The following FIGN variants were observed in gnomAD, a reference collection of about 807,000 sequenced individuals.
The protein encoded by FIGN is fidgetin, microtubule severing factor, also known as fidgetin.
Under a neutral mutation model 51.3 loss-of-function variants are expected in FIGN, and 11 were observed. The observed-to-expected ratio is 0.21, with a 90% CI of 0.13 to 0.35. The LOEUF (loss-of-function observed/expected upper bound fraction) is 0.35. Ranked by LOEUF, FIGN falls within the 10% of genes least tolerant of loss-of-function variation. FIGN has a pLI of 1.00. For missense variants in FIGN, 857 were observed against 943.6 expected (o/e 0.91, Z 1.20); for synonymous variants, 407 against 363.2 (o/e 1.12, Z -1.37).
chr2:163,697,388 A>G (rs1327992567), intron 2 of FIGN, among the ~76,000 whole-genome samples: 1 of 152,078 alleles, frequency 6.6e-6, no homozygotes, highest in Non-Finnish European at 1.5e-5. Context: ...GGCATGAGCC[A>G]CCACACCCAG....
intron 2 of FIGN, among the ~76,000 whole-genome samples, chr2:163,616,936 A>G (rs10445755): frequency 0.93 from 141,166 of 152,092 alleles, 66,169 homozygotes; most frequent in Non-Finnish European, 1. Context: ...AACCTTCTGA[A>G]AGAAGGATTG....
chr2:163,653,003 T>A (rs1035890621), intron 2 of FIGN, among the ~76,000 whole-genome samples: 2 of 152,138 alleles, frequency 1.3e-5, no homozygotes, highest in African/African-American at 4.8e-5. Context: ...GTAAAAATGA[T>A]TAAGAGAGAA....
intron 2 of FIGN, among the ~76,000 whole-genome samples, chr2:163,728,165 G>A (rs1684867279): frequency 6.6e-6 from 1 of 151,754 alleles, no homozygotes; most frequent in Non-Finnish European, 1.5e-5. Flanking sequence ...TTATTTGGGG[G>A]TCTGCCCCCC....
chr2:163,655,821 A>C (rs1266701041), intron 2 of FIGN, among the ~76,000 whole-genome samples: 1 of 151,884 alleles, frequency 6.6e-6, no homozygotes, highest in African/African-American at 2.4e-5. Context: ...AGAGAGAGAG[A>C]GAGAGAGCTC....
chr2:163,731,682 C>T (rs1327622121), intron 2 of FIGN, among the ~76,000 whole-genome samples: 3 of 150,222 alleles, frequency 2.0e-5, no homozygotes. Flanking sequence ...TGATGAAATA[C>T]AGCCAGGAGA....
Position 163,609,782 on chromosome 2 carries a change from G to T in FIGN, c.2050C>A (p.Arg684Ser). 3 of 1,614,124 alleles carry T rather than the reference G, an allele frequency of 1.9e-6. No homozygotes were observed. The highest frequency in any genetic ancestry group is 2.5e-6 in the Non-Finnish European group (3 of 1,180,016). ...NDKEFALLVQ[R>S]TEGFSGLDVA... Reference sequence around the variant, plus strand: ...TCTAGTCCAGAAAAGCCTTCTGTGCGCTGGACGAGCAGTGCAAACTCCTTG... The same window carrying T: ...TCTAGTCCAGAAAAGCCTTCTGTGCTCTGGACGAGCAGTGCAAACTCCTTG... The change falls in exon 3 of 3, where the codon CGC becomes AGC. Residue 684 changes from arginine to serine, a missense_variant. Transcript: ENST00000333129.
intron 2 of FIGN, among the ~76,000 whole-genome samples, chr2:163,734,144 C>T (rs928184483): frequency 3.3e-5 from 5 of 151,476 alleles, no homozygotes; most frequent in Non-Finnish European, 5.9e-5. Flanking sequence ...AAGGAAAGAG[C>T]GATTTCAAAC....
At chr2:163,664,559 T>G (rs1683742420) in intron 2 of FIGN, among the ~76,000 whole-genome samples, 1 of 152,204 alleles carries the variant, frequency 6.6e-6, no homozygotes, top group Non-Finnish European at 1.5e-5. Context: ...CTGATTTTAT[T>G]TATAAGGGCA....
At chr2:163,657,513 T>TGTGTGTGTGTGTGTGTGTGTGC (rs1683580790) in intron 2 of FIGN, among the ~76,000 whole-genome samples, 1 of 151,602 alleles carries the variant, frequency 6.6e-6, no homozygotes, top group Non-Finnish European at 1.5e-5. Flanking sequence ...TGTGTGTGTG[T>TGTGTGTGTGTGTGTGTGTGTGC]GTGTGTGTGT....
chr2:163,644,072 A>T (rs1271870160), intron 2 of FIGN, among the ~76,000 whole-genome samples: 1 of 151,974 alleles, frequency 6.6e-6, no homozygotes, highest in African/African-American at 2.4e-5. Context: ...CAAAAGCATG[A>T]GCACCAAAAG....
intron 2 of FIGN, among the ~76,000 whole-genome samples, chr2:163,642,278 G>A (rs574425607): frequency 3.3e-5 from 5 of 152,282 alleles, no homozygotes; most frequent in South Asian, 4.1e-4. Flanking sequence ...GTGATTCAAC[G>A]AAAGTAATGA....
chr2:163,640,272 A>G (rs1683288053), intron 2 of FIGN, among the ~76,000 whole-genome samples: 2 of 152,234 alleles, frequency 1.3e-5, no homozygotes, highest in Non-Finnish European at 1.5e-5. Context: ...ATTAAACTTA[A>G]GAACATTTTC....
At chr2:163,679,234 C>T (rs1302404413) in intron 2 of FIGN, among the ~76,000 whole-genome samples, 1 of 151,922 alleles carries the variant, frequency 6.6e-6, no homozygotes, top group Non-Finnish European at 1.5e-5. Flanking sequence ...CGACTCACAC[C>T]TGTAATCCCA....
chr2:163,678,720 T>C (rs575982043), intron 2 of FIGN, among the ~76,000 whole-genome samples: 1 of 152,278 alleles, frequency 6.6e-6, no homozygotes, highest in East Asian at 1.9e-4. Context: ...ACAGAGACCT[T>C]TACAAATAAC....
chr2:163,728,081 C>T (rs1007211916), intron 2 of FIGN, among the ~76,000 whole-genome samples: 6 of 152,128 alleles, frequency 3.9e-5, no homozygotes, highest in Admixed American at 2.0e-4. Context: ...TTTAACACAG[C>T]TGTCACATGT....
At chr2:163,651,938 T>G (rs192501073) in intron 2 of FIGN, among the ~76,000 whole-genome samples, 1 of 152,318 alleles carries the variant, frequency 6.6e-6, no homozygotes, top group East Asian at 1.9e-4. Flanking sequence ...TAATAATTGC[T>G]TCTTTCAAAG....
At chr2:163,667,205 C>G (rs535707608) in intron 2 of FIGN, among the ~76,000 whole-genome samples, 5 of 152,064 alleles carry the variant, frequency 3.3e-5, no homozygotes, top group East Asian at 1.9e-4. Flanking sequence ...TGACTTCTTT[C>G]GCCATTCTAC....
At chr2:163,682,431 G>T (rs1212136675) in intron 2 of FIGN, among the ~76,000 whole-genome samples, 4 of 152,198 alleles carry the variant, frequency 2.6e-5, no homozygotes, top group African/African-American at 9.7e-5. Flanking sequence ...TATGCTGGAG[G>T]AGATATAAAA....
At chr2:163,708,002 G>A (rs1042647445) in intron 2 of FIGN, among the ~76,000 whole-genome samples, 3 of 152,046 alleles carry the variant, frequency 2.0e-5, no homozygotes, top group Admixed American at 1.3e-4. Context: ...TGTTACAATA[G>A]CACAAATTTC....
Sources: allele counts gnomAD v4.1 joint callset (sites outside exome capture counted in the v4.1 genomes callset), GRCh38; gene constraint gnomAD v4.1.1; transcripts MANE v1.5; gene names NCBI Gene and HGNC (gene_info 2026-07-23, HGNC 2026-07-21).